CCDC163: variants seen among roughly 807,000 people sequenced by gnomAD.
The protein encoded by CCDC163 is CCDC163 homolog.
A neutral mutation model predicts 8.2 loss-of-function variants in CCDC163; 13 were observed. The observed-to-expected ratio is 1.59, with a 90% confidence interval of 1.04 to 2.54. CCDC163 has a LOEUF of 2.54. Among genes scored for constraint, CCDC163 ranks in the 30% most tolerant of loss-of-function variants. The probability of loss-of-function intolerance (pLI) is 0.00; values close to 1 mark genes in which losing one functional copy is unlikely to be tolerated. For synonymous variants in CCDC163, 41 were observed against 30.9 expected, an observed-to-expected ratio of 1.33 and a Z score of -1.08; for missense variants, 117 against 78.6, an observed-to-expected ratio of 1.49 and a Z score of -1.85.
At chr1:45,496,803 A>C (rs890905256) in intron 3 of CCDC163, among the ~76,000 whole-genome samples, 180 bp from the exon 4 acceptor site, 1 of 152,240 alleles carries the variant, frequency 6.6e-6, no homozygotes, top group Non-Finnish European at 1.5e-5. Context: ...GTGCAACAAA[A>C]TACTTGGCCA....
At chr1:45,497,257 G>A (rs746291666) in intron 3 of CCDC163, 42 bp downstream of exon 3, 1 of 757,478 alleles carries the variant, frequency 1.3e-6, no homozygotes, top group Non-Finnish European at 2.5e-6. Context: ...CAGAAAAGGG[G>A]ACAAGGAAAC....
Position 45,497,325 on chromosome 1 carries a change from T to G in CCDC163, c.236A>C (p.Glu79Ala), listed in dbSNP as rs377176949. 22 of 780,166 alleles carry G rather than the reference T, an allele frequency of 2.8e-5. No homozygotes were observed. Among genetic ancestry groups the G allele is most frequent in the Non-Finnish European group, 5.0e-5 (21 of 417,564 alleles). The allele number at this position is 780,166 out of a possible 1,614,324, so 48.3% of individuals were successfully genotyped here. ...CAACTGGTACTGCAGCAACTTCAATTCCTTCTGCATAATCTCTGACTCCTC... is the reference window on the plus strand; with the variant it reads ...CAACTGGTACTGCAGCAACTTCAATGCCTTCTGCATAATCTCTGACTCCTC... Reference protein sequence around the residue: ...LWEESEIMQKELKLLQYQLSQ... With the variant: ...LWEESEIMQKALKLLQYQLSQ... Residue 79 changes from glutamate to alanine, a missense_variant, in exon 3 of 5, where the codon GAA becomes GCA. Glu to Ala is a moderately radical substitution (Grantham distance 107). Coordinates refer to ENST00000629482, the MANE Select transcript of CCDC163 (RefSeq NM_001102601.3).
rs1570794898 is a variant in CCDC163, at chr1:45,494,891, C to A, written c.*168G>T. 2.6e-5 allele frequency: 16 copies of A among 605,570 alleles called. No homozygotes were observed. The East Asian group carries it at 4.5e-4, about 17-fold the overall frequency. 37.5% of individuals were successfully genotyped at this position (605,570 alleles called of 1,614,324 possible). A position where few individuals can be genotyped will look rare whatever the true frequency, so the allele number is the denominator to read the frequency against. ...CCTGGGAGGCGGAGGTTGCAGTGAG[C>A]TGAGATGGGGGGCAAGGATGGGCAG... is the stretch of plus-strand genomic sequence containing the variant. On this transcript the variant is annotated 3_prime_UTR_variant, in exon 5 of 5. Transcript: ENST00000629482.
chr1:45,497,234 G>T, intron 3 of CCDC163, 65 bp downstream of exon 3: 1 of 716,784 alleles, frequency 1.4e-6, no homozygotes, highest in Admixed American at 2.2e-5. Context: ...AATAAAAGAA[G>T]AAGATGACTT....
rs371657197 is a variant in CCDC163, at chr1:45,499,406, A to G, written c.116T>C (p.Ile39Thr). 2.6e-6 allele frequency: 2 copies of G among 773,056 alleles called. No homozygotes were observed. The highest frequency in any genetic ancestry group is 2.6e-5 in the East Asian group (1 of 38,974). The allele number at this position is 773,056 out of a possible 1,614,324, so 47.9% of individuals were successfully genotyped here. ...LYPLGVSTEL[I>T]GLCICFFCSS... ...ACAGAAGAAACAGATGCACAGGCCAATGAGCTCTGTGGAGACCCCAAGAGG... is the reference window on the plus strand; with the variant it reads ...ACAGAAGAAACAGATGCACAGGCCAGTGAGCTCTGTGGAGACCCCAAGAGG... The change falls in exon 2 of 5, where the codon ATT (isoleucine) becomes ACT (threonine). Residue 39 changes from isoleucine (I) to threonine (T), a missense_variant. Physicochemically the swap from Ile to Thr is moderately conservative, Grantham distance 89. Coordinates refer to ENST00000629482, the MANE Select transcript of CCDC163 (RefSeq NM_001102601.3).
At chr1:45,497,686 C>T (rs1461575546) in intron 2 of CCDC163, among the ~76,000 whole-genome samples, 7 of 68,018 alleles carry the variant, frequency 1.0e-4, no homozygotes, top group Middle Eastern at 4.5e-3. Flanking sequence ...GCCCGGCAGC[C>T]ACCCCGTCCG....
intron 2 of CCDC163, among the ~76,000 whole-genome samples, chr1:45,498,032 A>G (rs571962809): frequency 1.3e-5 from 2 of 150,420 alleles, no homozygotes; most frequent in African/African-American, 4.9e-5. Context: ...TTTGTTCTGT[A>G]CTAAGAAAAA....
In CCDC163 at chr1:45,499,688, A is replaced by ATCCTT; in HGVS notation, c.-80_-79insAAGGA. On this transcript the variant is annotated 5_prime_UTR_variant, in exon 1 of 5. Coordinates refer to ENST00000629482, the MANE Select transcript of CCDC163 (RefSeq NM_001102601.3). ...TCTCCTAGCGGGGGATACCCAAGGT[A>ATCCTT]TCCCCAGGAAAGGCCACCACGTTAG... 1 of 700,664 alleles carries ATCCTT rather than the reference A, an allele frequency of 1.4e-6. No homozygotes were observed. The highest frequency in any genetic ancestry group is 1.5e-5 in the South Asian group (1 of 64,708). The allele number at this position is 700,664 out of a possible 1,614,324, so 43.4% of individuals were successfully genotyped here.
At position 45,499,939 on chromosome 1, in the gene CCDC163, G is replaced by C. The variant is rs1260581139; in HGVS notation, c.-330C>G. On this transcript the variant is annotated 5_prime_UTR_variant, in exon 1 of 5. Coordinates refer to ENST00000629482, the MANE Select transcript of CCDC163 (RefSeq NM_001102601.3). ...GCGCCACCACGCCAAACCTGTGCCAGTGACAACTGCCGCCGCCGGGTTCAA... is the reference window on the plus strand; with the variant it reads ...GCGCCACCACGCCAAACCTGTGCCACTGACAACTGCCGCCGCCGGGTTCAA... 1 of 488,628 alleles carries C rather than the reference G, an allele frequency of 2.0e-6. No individual in the cohort carries two copies. The highest frequency in any genetic ancestry group is 3.7e-6 in the Non-Finnish European group (1 of 267,308). 30.3% of individuals were successfully genotyped at this position (488,628 alleles called of 1,614,324 possible).
rs1404012441 is a variant in CCDC163 at position 45,494,651 on chromosome 1, T to C, written c.*408A>G. 1 of 226,154 alleles carries C rather than the reference T, an allele frequency of 4.4e-6. No individual in the cohort carries two copies. Among genetic ancestry groups the C allele is most frequent in the Admixed American group, 5.0e-5 (1 of 19,934 alleles). The allele number at this position is 226,154 out of a possible 1,614,324, so 14.0% of individuals were successfully genotyped here. On this transcript the variant is annotated 3_prime_UTR_variant, in exon 5 of 5. Transcript: ENST00000629482. The stretch of plus-strand genomic sequence containing the variant: ...CATTACTTTCCAAGTTCAACTGAGC[T>C]TGCACTCAGAAGGTACAGCTATAGG...
chr1:45,494,784 C>G lies in CCDC163; in HGVS notation c.*275G>C. On this transcript the variant is annotated 3_prime_UTR_variant, in exon 5 of 5. Transcript: ENST00000629482. ...CCAGACTGGCCAACATGGTGAAACCCCATCTCTACTAAAAATACAAAAATT... is the reference window on the plus strand; with the variant it reads ...CCAGACTGGCCAACATGGTGAAACCGCATCTCTACTAAAAATACAAAAATT... 1 of 384,354 alleles carries G rather than the reference C, an allele frequency of 2.6e-6. No individual in the cohort carries two copies. The highest frequency in any genetic ancestry group is 4.9e-6 in the Non-Finnish European group (1 of 202,674). The allele number at this position is 384,354 out of a possible 1,614,324, so 23.8% of individuals were successfully genotyped here. A position where few individuals can be genotyped will look rare whatever the true frequency, so the allele number is the denominator to read the frequency against.
chr1:45,495,368 C>A (rs1654019935), intron 4 of CCDC163: 2 of 702,918 alleles, frequency 2.8e-6, no homozygotes, highest in East Asian at 2.7e-5. Flanking sequence ...ATTCAGGCAC[C>A]ATTCAGATTT....
chr1:45,497,644 G>T (rs1233018714), intron 2 of CCDC163, among the ~76,000 whole-genome samples: 6 of 101,408 alleles, frequency 5.9e-5, no homozygotes, highest in African/African-American at 2.0e-4. Context: ...CTGCCCGGCC[G>T]CCACCCCGTC....
Position 45,497,295 on chromosome 1 carries a change from T to G in CCDC163, c.262+4A>C, listed in dbSNP as rs527240953. ...ATATTCGCCCCCAACCACCTTTTAC[T>G]TACTCAACTGGTACTGCAGCAACTT... is the stretch of plus-strand genomic sequence containing the variant. On this transcript the variant is annotated splice_donor_region_variant and intron_variant, in intron 3 of 4. Transcript: ENST00000629482. The G allele has an allele frequency of 1.3e-6, 1 of 778,306 alleles. No homozygotes were observed. Among genetic ancestry groups the G allele is most frequent in the Non-Finnish European group, 2.4e-6 (1 of 416,284 alleles). 48.2% of individuals were successfully genotyped at this position (778,306 alleles called of 1,614,324 possible).
intron 2 of CCDC163, among the ~76,000 whole-genome samples, 170 bp downstream of exon 2, chr1:45,499,175 C>G (rs920860623): frequency 2.0e-5 from 3 of 152,136 alleles, no homozygotes; most frequent in African/African-American, 7.2e-5. Flanking sequence ...CAGGTCCCAG[C>G]CAGGTCCCCG....
At chr1:45,497,537 C>T (rs1654271106) in intron 2 of CCDC163, among the ~76,000 whole-genome samples, 154 bp from the exon 3 acceptor site, 2 of 145,656 alleles carry the variant, frequency 1.4e-5, no homozygotes, top group African/African-American at 2.6e-5. Context: ...TGCTCAATGG[C>T]GCCCAGGCTG....
rs2149319906 is a variant in CCDC163 at position 45,499,515 on chromosome 1, C to T, written c.78+17G>A. 1 of 778,500 alleles carries T rather than the reference C, an allele frequency of 1.3e-6. No homozygotes were observed. The highest frequency in any genetic ancestry group is 2.4e-6 in the Non-Finnish European group (1 of 416,884). The allele number at this position is 778,500 out of a possible 1,614,324, so 48.2% of individuals were successfully genotyped here. ...TAGCCTCCCCACGCAAACTGGGGACCTCCACCAACCCCTCACCTTATTCCG... is the reference window on the plus strand; with the variant it reads ...TAGCCTCCCCACGCAAACTGGGGACTTCCACCAACCCCTCACCTTATTCCG... On this transcript the variant is annotated intron_variant, in intron 1 of 4. Coordinates refer to ENST00000629482, the MANE Select transcript of CCDC163 (RefSeq NM_001102601.3).
intron 2 of CCDC163, among the ~76,000 whole-genome samples, chr1:45,497,623 G>C (rs1654288655): frequency 2.4e-5 from 3 of 125,462 alleles, no homozygotes; most frequent in Non-Finnish European, 3.3e-5. Context: ...AAAGTGCCGA[G>C]ACTGCAGCCT....
At position 45,499,516 on chromosome 1, in the gene CCDC163, T is replaced by C. The variant is rs200271659; in HGVS notation, c.78+16A>G. 7 of 778,420 alleles carry C rather than the reference T, an allele frequency of 9.0e-6. No individual in the cohort carries two copies. Among genetic ancestry groups the C allele is most frequent in the Non-Finnish European group, 2.4e-6 (1 of 416,916 alleles). The allele number at this position is 778,420 out of a possible 1,614,324, so 48.2% of individuals were successfully genotyped here. A position where few individuals can be genotyped will look rare whatever the true frequency, so the allele number is the denominator to read the frequency against. ...AGCCTCCCCACGCAAACTGGGGACC[T>C]CCACCAACCCCTCACCTTATTCCGG... On this transcript the variant is annotated intron_variant, in intron 1 of 4. Transcript: ENST00000629482.
Sources: gnomAD v4.1 joint callset for allele counts (sites outside exome capture counted in the v4.1 genomes callset) on GRCh38, gnomAD v4.1.1 for gene constraint, MANE v1.5 for transcripts, NCBI Gene and HGNC (gene_info 2026-07-23, HGNC 2026-07-21) for gene names.